STAC: variants seen among roughly 807,000 people sequenced by gnomAD.
STAC encodes the protein SH3 and cysteine rich domain, also known as SH3 and cysteine-rich domain-containing protein.
A neutral mutation model predicts 48.8 loss-of-function variants in STAC; 43 were observed. The observed-to-expected ratio is 0.88, with a 90% CI of 0.69 to 1.14. The LOEUF (loss-of-function observed/expected upper bound fraction) is 1.14. STAC is among the 50% of genes most tolerant of loss of function. The probability of loss-of-function intolerance (pLI) is 0.00; values close to 1 mark genes in which losing one functional copy is unlikely to be tolerated. For missense variants in STAC, 497 were observed against 504.0 expected, an observed-to-expected ratio of 0.99 and a Z score of 0.13; for synonymous variants, 193 against 179.5, an observed-to-expected ratio of 1.07 and a Z score of -0.60.
At chr3:36,485,807 G>A (rs1697793290) in intron 4 of STAC, 2 of 175,222 alleles carry the variant, frequency 1.1e-5, no homozygotes, top group Admixed American at 6.2e-5. Context: ...TTGTACCTTG[G>A]TGAGCACAGC....
intron 2 of STAC, among the ~76,000 whole-genome samples, chr3:36,466,185 T>A (rs1466301884): frequency 6.6e-6 from 1 of 152,174 alleles, no homozygotes; most frequent in African/African-American, 2.4e-5. Flanking sequence ...TTTTCTTTGC[T>A]TTGTCACAGA....
intron 1 of STAC, among the ~76,000 whole-genome samples, chr3:36,407,757 A>C (rs1470016417): frequency 6.6e-6 from 1 of 152,212 alleles, no homozygotes; most frequent in African/African-American, 2.4e-5. Flanking sequence ...TATAACAAAA[A>C]CACCACCAAT....
chr3:36,540,627 G>A (rs1374518951), intron 10 of STAC, among the ~76,000 whole-genome samples: 1 of 152,202 alleles, frequency 6.6e-6, no homozygotes, highest in East Asian at 1.9e-4. Context: ...GCCAGAGGAT[G>A]AGGGTGGCCT....
Position 36,453,565 on chromosome 3 carries a change from C to T in STAC, c.388+9925C>T, listed in dbSNP as rs1046485455. Among the ~76,000 whole-genome samples, 5 of 152,238 alleles carry T rather than the reference C, an allele frequency of 3.3e-5. 1 individual carries two copies. In the South Asian group the frequency reaches 1.0e-3, roughly 32 times the overall value. ...GGGGCAGGGCTGGGGACCTGCAGCCCGCCATGCCTGAGCCTCCCACCCCCT... is the reference window on the plus strand; with the variant it reads ...GGGGCAGGGCTGGGGACCTGCAGCCTGCCATGCCTGAGCCTCCCACCCCCT... On this transcript the variant is annotated intron_variant, in intron 2 of 10. Coordinates refer to ENST00000273183, the MANE Select transcript of STAC (RefSeq NM_003149.3).
At chr3:36,477,715 C>G (rs1697529925) in intron 2 of STAC, among the ~76,000 whole-genome samples, 1 of 152,130 alleles carries the variant, frequency 6.6e-6, no homozygotes, top group South Asian at 2.1e-4. Context: ...CCATTCCAAA[C>G]TCTATTTGAA....
intron 8 of STAC, among the ~76,000 whole-genome samples, chr3:36,520,218 C>T (rs1178662012): frequency 6.6e-6 from 1 of 152,106 alleles, no homozygotes; most frequent in Non-Finnish European, 1.5e-5. Context: ...TCACTTGTTG[C>T]AAGCCATAAG....
chr3:36,408,344 C>T (rs978946034), intron 1 of STAC, among the ~76,000 whole-genome samples: 3 of 152,156 alleles, frequency 2.0e-5, no homozygotes, highest in African/African-American at 4.8e-5. Context: ...CCTACTCCTA[C>T]CACTAGCCCA....
intron 8 of STAC, among the ~76,000 whole-genome samples, chr3:36,524,908 C>T (rs1043642272): frequency 6.6e-6 from 1 of 152,198 alleles, no homozygotes; most frequent in African/African-American, 2.4e-5. Context: ...TTAGCTATCT[C>T]TGCCAGGTAC....
chr3:36,541,815 T>C (rs1257530901), intron 10 of STAC, among the ~76,000 whole-genome samples: 3 of 152,170 alleles, frequency 2.0e-5, no homozygotes, highest in African/African-American at 4.8e-5. Context: ...GATGGGATGC[T>C]GTGTATGTGA....
intron 1 of STAC, among the ~76,000 whole-genome samples, chr3:36,386,608 A>C (rs1699622072): frequency 6.6e-6 from 1 of 151,964 alleles, no homozygotes; most frequent in African/African-American, 2.4e-5. Context: ...TTTACAATTC[A>C]TTTGGAATTG....
At chr3:36,413,036 G>C (rs959404394) in intron 1 of STAC, among the ~76,000 whole-genome samples, 3 of 152,158 alleles carry the variant, frequency 2.0e-5, no homozygotes, top group African/African-American at 4.8e-5. Context: ...TGTGGTCTGA[G>C]AGACAGTTTG....
chr3:36,503,731 C>A (rs369357789), intron 6 of STAC, among the ~76,000 whole-genome samples: 7 of 152,228 alleles, frequency 4.6e-5, no homozygotes, highest in South Asian at 4.2e-4. Context: ...CCGTGCCCAG[C>A]CTTCCTGCCC....
At chr3:36,514,637 G>C (rs1698625603) in intron 8 of STAC, among the ~76,000 whole-genome samples, 1 of 152,158 alleles carries the variant, frequency 6.6e-6, no homozygotes. Context: ...ATGCATAGTA[G>C]ATAATAATTA....
At chr3:36,383,478 A>G (rs1237104739) in intron 1 of STAC, among the ~76,000 whole-genome samples, 1 of 152,202 alleles carries the variant, frequency 6.6e-6, no homozygotes, top group Non-Finnish European at 1.5e-5. Context: ...CACCCTACAC[A>G]TACTGGATCA....
chr3:36,535,167 T>C (rs187960794), intron 10 of STAC, among the ~76,000 whole-genome samples: 250 of 152,296 alleles, frequency 1.6e-3, no homozygotes, highest in African/African-American at 5.7e-3. Context: ...GGTTTGTAGT[T>C]CTCCTTGAAA....
chr3:36,448,979 C>A (rs1696604400), intron 2 of STAC, among the ~76,000 whole-genome samples: 1 of 150,798 alleles, frequency 6.6e-6, no homozygotes. Context: ...GTTAGCCAGG[C>A]ATAGTAGCAC....
At chr3:36,476,671 TG>T (rs1216935264) in intron 2 of STAC, among the ~76,000 whole-genome samples, 3 of 152,228 alleles carry the variant, frequency 2.0e-5, no homozygotes, top group African/African-American at 7.2e-5. Flanking sequence ...TTATTAGGCC[TG>T]TTTTTATTGT....
At chr3:36,497,522 C>A (rs566919667) in intron 6 of STAC, among the ~76,000 whole-genome samples, 1 of 152,246 alleles carries the variant, frequency 6.6e-6, no homozygotes, top group South Asian at 2.1e-4. Context: ...TAATAGGCCC[C>A]ATTTATGAAC....
chr3:36,502,691 T>C (rs959440960), intron 6 of STAC, among the ~76,000 whole-genome samples: 1 of 152,228 alleles, frequency 6.6e-6, no homozygotes, highest in Admixed American at 6.5e-5. Flanking sequence ...TGTCCAGTTT[T>C]ATACTTAGGG....
Sources: gnomAD v4.1 joint callset for allele counts (sites outside exome capture counted in the v4.1 genomes callset) on GRCh38, gnomAD v4.1.1 for gene constraint, MANE v1.5 for transcripts, NCBI Gene and HGNC (gene_info 2026-07-23, HGNC 2026-07-21) for gene names.